Variants in ARHGAP24 observed in about 807,000 individuals in gnomAD.
The protein encoded by ARHGAP24 is Rho GTPase activating protein 24, also known as rho GTPase-activating protein 24.
In ARHGAP24, 50 loss-of-function variants were observed where a neutral mutation model predicts 76.4. The ratio of observed to expected loss-of-function variants is 0.65; its 90% CI spans 0.52 to 0.83. ARHGAP24 has a LOEUF of 0.83. Among genes scored for constraint, ARHGAP24 ranks in the 40% least tolerant of loss-of-function variants. The pLI, the probability that ARHGAP24 is intolerant of heterozygous loss-of-function variation, is 0.00. For missense variants in ARHGAP24, 930 were observed against 914.2 expected, an observed-to-expected ratio of 1.02 and a Z score of -0.22; for synonymous variants, 345 against 323.3, an observed-to-expected ratio of 1.07 and a Z score of -0.72.
intron 2 of ARHGAP24, among the ~76,000 whole-genome samples, chr4:85,609,230 T>A (rs1017012812): frequency 6.6e-6 from 1 of 152,190 alleles, no homozygotes; most frequent in African/African-American, 2.4e-5. Context: ...AAATAGAATA[T>A]ATGGGGTATT....
intron 2 of ARHGAP24, among the ~76,000 whole-genome samples, chr4:85,632,001 A>C (rs1174707172): frequency 6.6e-6 from 1 of 152,040 alleles, no homozygotes. Flanking sequence ...GTATCCATAG[A>C]TCCAATTCTT....
chr4:85,725,491 T>C (rs893413834), intron 3 of ARHGAP24, among the ~76,000 whole-genome samples: 3 of 152,200 alleles, frequency 2.0e-5, no homozygotes, highest in Admixed American at 6.5e-5. Flanking sequence ...CTTTCCTACT[T>C]TTCTGCCTTC....
chr4:85,634,651 C>T (rs1010260344), intron 2 of ARHGAP24, among the ~76,000 whole-genome samples: 2 of 151,784 alleles, frequency 1.3e-5, no homozygotes, highest in African/African-American at 2.4e-5. Context: ...GATTGGACCT[C>T]GGTTCCTAAG....
intron 5 of ARHGAP24, among the ~76,000 whole-genome samples, chr4:85,955,208 A>T (rs1165505924): frequency 1.3e-5 from 2 of 151,918 alleles, no homozygotes; most frequent in Non-Finnish European, 2.9e-5. Flanking sequence ...CTATTTGAAT[A>T]AGCCCATGCT....
intron 3 of ARHGAP24, among the ~76,000 whole-genome samples, chr4:85,907,790 A>G (rs1734853139): frequency 6.6e-6 from 1 of 152,144 alleles, no homozygotes; most frequent in African/African-American, 2.4e-5. Context: ...TGCCTGCCAT[A>G]TATTATTGTT....
rs189052497 is a variant in ARHGAP24, at chr4:85,957,214, A to G, written c.600-14822A>G. Reference sequence around the variant, plus strand: ...CCCTCATGATTTTAGCCATTTCCATATAACGCCTGCACTAGGTTTACTGAT... The same window carrying G: ...CCCTCATGATTTTAGCCATTTCCATGTAACGCCTGCACTAGGTTTACTGAT... On this transcript the variant is annotated intron_variant, in intron 5 of 9. Transcript: ENST00000395184. Among the ~76,000 whole-genome samples the G allele has an allele frequency of 2.2e-3, 334 of 152,326 alleles. 4 individuals carry two copies. Among genetic ancestry groups the G allele is most frequent in the Non-Finnish European group, 2.8e-4 (19 of 68,034 alleles).
intron 1 of ARHGAP24, among the ~76,000 whole-genome samples, chr4:85,500,900 G>A (rs1457050514): frequency 6.7e-6 from 1 of 148,380 alleles, no homozygotes; most frequent in African/African-American, 2.5e-5. Flanking sequence ...GCCCTGGTGT[G>A]TGATGTTCCC....
At chr4:85,775,794 A>C (rs1400144803) in intron 3 of ARHGAP24, among the ~76,000 whole-genome samples, 1 of 152,180 alleles carries the variant, frequency 6.6e-6, no homozygotes, top group African/African-American at 2.4e-5. Flanking sequence ...AAGCAGGGGA[A>C]TTATGGGAAA....
intron 3 of ARHGAP24, among the ~76,000 whole-genome samples, chr4:85,807,522 C>T (rs192456473): frequency 5.9e-5 from 9 of 152,262 alleles, no homozygotes; most frequent in Non-Finnish European, 1.2e-4. Flanking sequence ...AAGCTTCAAT[C>T]ATACCCATTA....
intron 3 of ARHGAP24, among the ~76,000 whole-genome samples, chr4:85,826,351 C>T (rs2110129638): frequency 6.6e-6 from 1 of 152,288 alleles, no homozygotes; most frequent in South Asian, 2.1e-4. Flanking sequence ...ATGTAACCAA[C>T]CATGCACGTG....
chr4:85,812,970 C>T (rs1445927002), intron 3 of ARHGAP24, among the ~76,000 whole-genome samples: 1 of 152,184 alleles, frequency 6.6e-6, no homozygotes, highest in Non-Finnish European at 1.5e-5. Context: ...ACTCTTCTAA[C>T]ACTTTCACAT....
At chr4:85,702,642 G>A (rs1009975418) in intron 2 of ARHGAP24, among the ~76,000 whole-genome samples, 2 of 151,950 alleles carry the variant, frequency 1.3e-5, no homozygotes, top group African/African-American at 4.8e-5. Flanking sequence ...GTTATTCAAT[G>A]AAATACAAGA....
intron 1 of ARHGAP24, among the ~76,000 whole-genome samples, chr4:85,531,813 C>T (rs1363552392): frequency 6.6e-6 from 1 of 152,016 alleles, no homozygotes; most frequent in African/African-American, 2.4e-5. Flanking sequence ...AAAGACCAGT[C>T]CTGGGACTTC....
At chr4:85,934,518 A>ATTTG (rs1009979085) in intron 4 of ARHGAP24, among the ~76,000 whole-genome samples, 1 of 151,834 alleles carries the variant, frequency 6.6e-6, no homozygotes, top group South Asian at 2.1e-4. Context: ...TTATTTATTT[A>ATTTG]TTTGTTTGTT....
intron 3 of ARHGAP24, among the ~76,000 whole-genome samples, chr4:85,920,556 T>C (rs1735664648): frequency 6.6e-6 from 1 of 152,122 alleles, no homozygotes; most frequent in African/African-American, 2.4e-5. Flanking sequence ...AAAGAACTTC[T>C]GCACAGCAAA....
At chr4:85,798,146 T>G (rs1728443497) in intron 3 of ARHGAP24, among the ~76,000 whole-genome samples, 1 of 152,204 alleles carries the variant, frequency 6.6e-6, no homozygotes, top group South Asian at 2.1e-4. Flanking sequence ...AGATATAACT[T>G]CTTTTTTAAT....
At chr4:85,910,640 G>C (rs958941611) in intron 3 of ARHGAP24, among the ~76,000 whole-genome samples, 3 of 152,056 alleles carry the variant, frequency 2.0e-5, no homozygotes, top group African/African-American at 7.2e-5. Context: ...CTCTGCAGCT[G>C]TTCGCCCTAC....
chr4:85,907,972 G>A (rs753248680), intron 3 of ARHGAP24, among the ~76,000 whole-genome samples: 11 of 152,128 alleles, frequency 7.2e-5, no homozygotes, highest in African/African-American at 1.7e-4. Context: ...TTTGGCAACC[G>A]TCTCGGAGCT....
At chr4:85,563,508 C>T (rs933734986) in intron 1 of ARHGAP24, among the ~76,000 whole-genome samples, 1 of 152,194 alleles carries the variant, frequency 6.6e-6, no homozygotes, top group African/African-American at 2.4e-5. Context: ...GCACTAATCC[C>T]ATTGGATCAG....
Sources: allele counts gnomAD v4.1 joint callset (sites outside exome capture counted in the v4.1 genomes callset), GRCh38; gene constraint gnomAD v4.1.1; transcripts MANE v1.5; gene names NCBI Gene and HGNC (gene_info 2026-07-23, HGNC 2026-07-21).